The following MTMR4 variants were observed in gnomAD, a reference collection of about 807,000 sequenced individuals.
The protein encoded by MTMR4 is phosphatidylinositol-3,5-bisphosphate 3-phosphatase MTMR4.
A neutral mutation model predicts 125.5 loss-of-function variants in MTMR4; 30 were observed. The ratio of observed to expected loss-of-function variants is 0.24; its 90% CI spans 0.18 to 0.32. MTMR4 has a LOEUF of 0.32. Ranked by LOEUF, MTMR4 falls within the 10% of genes least tolerant of loss-of-function variation. The pLI is 1.00. For synonymous variants in MTMR4, 498 were observed against 564.5 expected (o/e 0.88, Z 1.67); for missense variants, 1,039 against 1,511.5 (o/e 0.69, Z 5.18).
At chr17:58,514,660 G>A, upstream of MTMR4, 1 of 985,308 alleles carries the variant, frequency 1.0e-6, no homozygotes, top group Non-Finnish European at 1.2e-6. Flanking sequence ...GGGAGAGCCC[G>A]GGACCGCGGC....
In MTMR4 at chr17:58,492,828, G is replaced by A. The variant is rs374266017; in HGVS notation, c.3363+14C>T. The A allele has an allele frequency of 1.9e-6, 3 of 1,606,954 alleles. No individual in the cohort carries two copies. The highest frequency in any genetic ancestry group is 2.7e-5 in the African/African-American group (2 of 74,776). ...GCTCACGTAAGTACCCACCACATAT[G>A]TGCCTAAACATACCTCAGTCTCTTT... On this transcript the variant is annotated intron_variant, in intron 16 of 17. Coordinates refer to ENST00000682306, the MANE Select transcript of MTMR4 (RefSeq NM_001378067.1).
At chr17:58,492,642 G>T in intron 16 of MTMR4, 43 bp from the exon 17 acceptor site, 1 of 1,569,668 alleles carries the variant, frequency 6.4e-7, no homozygotes, top group South Asian at 1.1e-5. Context: ...CTTGTTGACA[G>T]ACTGGAAGAG....
At chr17:58,493,422 G>A (rs962977314) in intron 15 of MTMR4, among the ~76,000 whole-genome samples, 1 of 152,212 alleles carries the variant, frequency 6.6e-6, no homozygotes. Flanking sequence ...GCATGATCAC[G>A]GCTCGCTGTA....
At chr17:58,499,242 T>TTA (rs1362000079) in intron 14 of MTMR4, among the ~76,000 whole-genome samples, 5 of 144,800 alleles carry the variant, frequency 3.5e-5, no homozygotes, top group Admixed American at 6.8e-5. Flanking sequence ...CTTTTTTTTT[T>TTA]AAAAAAAAAA....
chr17:58,492,600 C>G lies in MTMR4; in HGVS notation c.3364-1G>C. 1 of 1,613,642 alleles carries G rather than the reference C, an allele frequency of 6.2e-7. No homozygotes were observed. The highest frequency in any genetic ancestry group is 8.5e-7 in the Non-Finnish European group (1 of 1,179,814). On this transcript the variant is annotated splice_acceptor_variant, in intron 16 of 17. Transcript: ENST00000682306. LOFTEE classifies it high-confidence loss of function. ...TATGGTCTGGAACCCAGCGAGTCAC[C>G]TAATAGAAGGCACAAAGAAAAATTC... is the stretch of plus-strand genomic sequence containing the variant.
rs200525321 is a variant in MTMR4, at chr17:58,504,130, G to A, written c.1618C>T (p.Arg540Trp). 6.3e-5 allele frequency: 102 copies of A among 1,612,220 alleles called. No individual in the cohort carries two copies. The highest frequency in any genetic ancestry group is 2.9e-4 in the Admixed American group (17 of 59,514). The change falls in exon 13 of 18, where the codon CGG becomes TGG. Residue 540 changes from arginine to tryptophan, a missense_variant. By Grantham distance (101) the Arg-to-Trp change is moderately radical (BLOSUM62 -3). Around this residue, in one of 6 missense-constraint regions of MTMR4, gnomAD observed 619 missense variants for 714.5 expected, o/e 0.87. Coordinates refer to ENST00000682306, the MANE Select transcript of MTMR4 (RefSeq NM_001378067.1). The surrounding 1 kb of genome is among the most constrained non-coding windows in gnomAD (Gnocchi z 7.1). ...AGGAGCGCCCACACAGAGCAGGTCC[G>A]CTTGTAGATGTTGCGCTTCTCTCGC... ...CEREKRNIYK[R>W]TCSVWALLRA... is the part of the protein sequence containing the mutation.
chr17:58,506,762 A>G lies in MTMR4; in HGVS notation c.1014T>C (p.Gly338=). The G allele has an allele frequency of 6.2e-7, 1 of 1,613,732 alleles. No individual in the cohort carries two copies. The highest frequency in any genetic ancestry group is 8.5e-7 in the Non-Finnish European group (1 of 1,179,940). ...CAATACCTTCACATTCACAGCCTCC[A>G]CCCTTGGCCCGGTTGGCCACTGCTG... ...YTAAVANRAK[G]GGCECEEYYP... is the part of the protein sequence containing the mutation. The change falls in exon 9 of 18, where the codon GGT becomes GGC. Residue 338 remains glycine (G), a synonymous_variant. Transcript: ENST00000682306.
chr17:58,511,747 T>G (rs760596572), intron 3 of MTMR4, among the ~76,000 whole-genome samples: 22 of 152,156 alleles, frequency 1.4e-4, no homozygotes, highest in Non-Finnish European at 1.9e-4. Flanking sequence ...AAATCAAGCC[T>G]CAGTTAGGTG....
upstream of MTMR4, among the ~76,000 whole-genome samples, chr17:58,518,898 C>A (rs1171596256): frequency 6.6e-6 from 1 of 152,194 alleles, no homozygotes; most frequent in African/African-American, 2.4e-5. Context: ...CCTCACCCAT[C>A]TTTGTTTATA....
At chr17:58,511,210 C>G (rs1472996065) in intron 4 of MTMR4, 5 of 465,152 alleles carry the variant, frequency 1.1e-5, no homozygotes, top group Admixed American at 4.1e-5. Flanking sequence ...TTAATCCTTA[C>G]GATGACTCCA....
chr17:58,514,215 A>T, intron 1 of MTMR4, 148 bp downstream of exon 1: 1 of 706,230 alleles, frequency 1.4e-6, no homozygotes, highest in Non-Finnish European at 1.7e-6. Flanking sequence ...AGTCCAAGAA[A>T]TAAAAGGGTT....
chr17:58,499,463 C>T (rs747679803), intron 14 of MTMR4, among the ~76,000 whole-genome samples: 1 of 152,208 alleles, frequency 6.6e-6, no homozygotes, highest in Non-Finnish European at 1.5e-5. Context: ...AGAAGAATCA[C>T]TTGAACCCGG....
rs147984498 is a variant in MTMR4, at chr17:58,508,092, T to C, written c.707+69A>G. 5.1e-3 allele frequency: 6,162 copies of C among 1,214,560 alleles called. 26 individuals carry two copies. The highest frequency in any genetic ancestry group is 9.0e-3 in the African/African-American group (603 of 66,858). The allele number at this position is 1,214,560 out of a possible 1,614,324, so 75.2% of individuals were successfully genotyped here. A position where few individuals can be genotyped will look rare whatever the true frequency, so the allele number is the denominator to read the frequency against. On this transcript the variant is annotated intron_variant, in intron 7 of 17. Coordinates refer to ENST00000682306, the MANE Select transcript of MTMR4 (RefSeq NM_001378067.1). The surrounding 1 kb of genome is among the most constrained non-coding windows in gnomAD (Gnocchi z 4.8). Reference sequence around the variant, plus strand: ...TCTCAGTCAACCAGGTTACCCAAAATCTCCAATTTTGACTCTTTCCTTGTT... The same window carrying C: ...TCTCAGTCAACCAGGTTACCCAAAACCTCCAATTTTGACTCTTTCCTTGTT...
At position 58,507,613 on chromosome 17, in the gene MTMR4, A is replaced by G. The variant is rs574286793; in HGVS notation, c.708-294T>C. On this transcript the variant is annotated intron_variant, in intron 7 of 17. Transcript: ENST00000682306. ...GAGAACAAGGCCTGGCTGAGCCAAG[A>G]ATAGGAACAATTCCAAACTTCAGGG... 2.0e-5 allele frequency among the ~76,000 whole-genome samples: 3 copies of G among 152,358 alleles called. No individual in the cohort carries two copies. The South Asian group carries it at 6.2e-4, about 32-fold the overall frequency.
At chr17:58,511,362 C>A in intron 4 of MTMR4, 67 bp downstream of exon 4, 2 of 1,343,468 alleles carry the variant, frequency 1.5e-6, no homozygotes, top group South Asian at 2.7e-5. Flanking sequence ...ACCAGAGAAA[C>A]CCTGCAGCAC....
intron 14 of MTMR4, among the ~76,000 whole-genome samples, chr17:58,497,180 G>T (rs1228873185): frequency 6.6e-6 from 1 of 152,168 alleles, no homozygotes; most frequent in Admixed American, 6.5e-5. Flanking sequence ...GGCTTCACTG[G>T]CCTCCTATTT....
At chr17:58,509,923 C>T (rs1169689622) in intron 4 of MTMR4, among the ~76,000 whole-genome samples, 1 of 152,166 alleles carries the variant, frequency 6.6e-6, no homozygotes, top group Non-Finnish European at 1.5e-5. Context: ...CTCTTTCTTT[C>T]ACTTCAAATC....
At chr17:58,506,937 C>A in intron 8 of MTMR4, 66 bp from the exon 9 acceptor site, 1 of 1,577,736 alleles carries the variant, frequency 6.3e-7, no homozygotes. Flanking sequence ...GGCCCTCTGG[C>A]ACTCCCTCTC....
rs1435523585 is a variant in MTMR4 at position 58,491,708 on chromosome 17, G to A, written c.3585C>T (p.Leu1195=). 1 of 1,614,052 alleles carries A rather than the reference G, an allele frequency of 6.2e-7. No homozygotes were observed. Among genetic ancestry groups the A allele is most frequent in the Non-Finnish European group, 8.5e-7 (1 of 1,179,920 alleles). Residue 1195 remains leucine (L), a synonymous_variant, in exon 18 of 18, where the codon CTC becomes CTT. Coordinates refer to ENST00000682306, the MANE Select transcript of MTMR4 (RefSeq NM_001378067.1). The part of the protein sequence containing the change: ...EHIQVSRARE[L]MSQQLKKPIA... ...TGGGTTTCTTCAGCTGTTGGCTCAT[G>A]AGTTCCCTGGCACGAGAGACTTGAA... is the stretch of plus-strand genomic sequence containing the variant.
Sources: allele counts gnomAD v4.1 joint callset (sites outside exome capture counted in the v4.1 genomes callset), GRCh38; gene constraint gnomAD v4.1.1; regional missense constraint gnomAD v4.1.1; non-coding constraint Gnocchi (gnomAD v3.1); transcripts MANE v1.5; gene names NCBI Gene and HGNC (gene_info 2026-07-23, HGNC 2026-07-21).